The following PRMT7 variants were observed in gnomAD, a reference collection of about 807,000 sequenced individuals.
PRMT7 encodes protein arginine methyltransferase 7.
PRMT7 carries 75 observed loss-of-function variants against 85.4 expected under a neutral mutation model. The observed-to-expected ratio is 0.88, with a 90% CI of 0.73 to 1.06. The LOEUF is 1.06. PRMT7 is among the 50% of genes least tolerant of loss of function. PRMT7 has a pLI of 0.00. For synonymous variants in PRMT7, 397 were observed against 359.5 expected, an observed-to-expected ratio of 1.10 and a Z score of -1.18; for missense variants, 868 against 915.2, an observed-to-expected ratio of 0.95 and a Z score of 0.67.
intron 14 of PRMT7, among the ~76,000 whole-genome samples, chr16:68,349,095 CTG>C (rs2086871810): frequency 1.3e-5 from 2 of 152,188 alleles, no homozygotes; most frequent in Admixed American, 1.3e-4. Context: ...CTTCCGGGCC[CTG>C]AAACTGCTTC....
intron 10 of PRMT7, 61 bp from the exon 11 acceptor site, chr16:68,346,084 C>A: frequency 6.2e-7 from 1 of 1,602,462 alleles, no homozygotes; most frequent in Non-Finnish European, 8.5e-7. Context: ...CAGATTCATG[C>A]CCTCTGGAGA....
At chr16:68,345,912 A>G in intron 10 of PRMT7, 110 bp downstream of exon 10, 2 of 1,488,514 alleles carry the variant, frequency 1.3e-6, no homozygotes, top group Non-Finnish European at 1.8e-6. Flanking sequence ...TCTGGACAGA[A>G]TAACATAAGA....
intron 5 of PRMT7, among the ~76,000 whole-genome samples, chr16:68,326,189 T>C (rs540789039): frequency 9.2e-5 from 14 of 152,260 alleles, no homozygotes; most frequent in African/African-American, 3.4e-4. Flanking sequence ...GCAGGGAGCA[T>C]GTATATAAAT....
At chr16:68,331,691 C>G (rs2151607239) in intron 6 of PRMT7, among the ~76,000 whole-genome samples, 1 of 152,068 alleles carries the variant, frequency 6.6e-6, no homozygotes, top group South Asian at 2.1e-4. Flanking sequence ...TTAGGCTGGT[C>G]TCAAACTCCT....
chr16:68,356,778 T>C lies in PRMT7; in HGVS notation c.1889T>C (p.Leu630Pro). 6.2e-7 allele frequency: 1 copy of C among 1,609,864 alleles called. No individual in the cohort carries two copies. The highest frequency in any genetic ancestry group is 8.5e-7 in the Non-Finnish European group (1 of 1,179,402). Reference sequence around the variant, plus strand: ...GAGTGCACGCTCAGCACTGGCCTCCTGGAGCCTGCAGACCCCGAGGTAGTG... The same window carrying C: ...GAGTGCACGCTCAGCACTGGCCTCCCGGAGCCTGCAGACCCCGAGGTAGTG... ...TPECTLSTGL[L>P]EPADPEGGCC... The change falls in exon 18 of 19, where the codon CTG becomes CCG. Residue 630 changes from leucine (L) to proline (P), a missense_variant. Transcript: ENST00000441236.
At chr16:68,342,727 G>A (rs1051867490) in intron 9 of PRMT7, among the ~76,000 whole-genome samples, 1 of 152,190 alleles carries the variant, frequency 6.6e-6, no homozygotes, top group Non-Finnish European at 1.5e-5. Flanking sequence ...AAGTATGTGA[G>A]CTTCCTAGTC....
At chr16:68,337,999 A>C (rs1469373052) in intron 7 of PRMT7, among the ~76,000 whole-genome samples, 1 of 152,092 alleles carries the variant, frequency 6.6e-6, no homozygotes, top group East Asian at 1.9e-4. Flanking sequence ...AGATGGGCTT[A>C]GCAACTGAGG....
intron 15 of PRMT7, among the ~76,000 whole-genome samples, chr16:68,352,963 G>T (rs1567741028): frequency 6.6e-6 from 1 of 152,130 alleles, no homozygotes; most frequent in East Asian, 1.9e-4. Flanking sequence ...TGAAAGTCTG[G>T]GCATTTCTCC....
intron 13 of PRMT7, 85 bp downstream of exon 13, chr16:68,347,763 G>A (rs2086633878): frequency 2.3e-6 from 3 of 1,290,694 alleles, no homozygotes; most frequent in African/African-American, 2.9e-5. Flanking sequence ...GGCCCCAGGG[G>A]AACAAAGGAG....
At chr16:68,342,268 A>G (rs756844327) in intron 9 of PRMT7, among the ~76,000 whole-genome samples, 4 of 152,124 alleles carry the variant, frequency 2.6e-5, no homozygotes, top group Non-Finnish European at 5.9e-5. Context: ...GCAGAGCGAG[A>G]CTCTGTCTCA....
At chr16:68,348,274 GA>G in intron 13 of PRMT7, 67 bp from the exon 14 acceptor site, 2 of 1,289,956 alleles carry the variant, frequency 1.6e-6, no homozygotes, top group Non-Finnish European at 2.2e-6. Context: ...AACTTTGAGA[GA>G]TTTTTTTTTC....
chr16:68,314,540 A>G (rs972526065), intron 2 of PRMT7, among the ~76,000 whole-genome samples: 3 of 152,138 alleles, frequency 2.0e-5, no homozygotes, highest in African/African-American at 7.2e-5. Context: ...CCTGTTTCTC[A>G]TCTATTTGTG....
In PRMT7 at chr16:68,329,109, A is replaced by G; in HGVS notation, c.326A>G (p.Lys109Arg). Residue 109 changes from lysine to arginine, a missense_variant, in exon 6 of 19, where the codon AAA (lysine) becomes AGA (arginine). Transcript: ENST00000441236. ...GATGCTGCTGTGAAGATTGTGGAGA[A>G]AAATGGCTTTAGTGATAAGATTAAG... ...MADAAVKIVEKNGFSDKIKVI... is the reference protein window; with the variant it reads ...MADAAVKIVERNGFSDKIKVI... 1 of 1,613,096 alleles carries G rather than the reference A, an allele frequency of 6.2e-7. No individual in the cohort carries two copies. The highest frequency in any genetic ancestry group is 1.1e-5 in the South Asian group (1 of 91,048).
intron 6 of PRMT7, among the ~76,000 whole-genome samples, chr16:68,333,802 T>A (rs1282334738): frequency 6.6e-6 from 1 of 151,970 alleles, no homozygotes; most frequent in Non-Finnish European, 1.5e-5. Flanking sequence ...TTAGATAGAG[T>A]GGCTCTGTCG....
intron 16 of PRMT7, among the ~76,000 whole-genome samples, chr16:68,353,787 G>A (rs1301607546): frequency 6.6e-6 from 1 of 152,192 alleles, no homozygotes; most frequent in Non-Finnish European, 1.5e-5. Context: ...TGCACGTCCT[G>A]TCATTGCAAC....
chr16:68,358,649 T>A (rs1453566303), downstream of PRMT7: 1 of 152,610 alleles, frequency 6.6e-6, no homozygotes, highest in Non-Finnish European at 1.5e-5. Flanking sequence ...TACTTAAAAC[T>A]TAAGGTGGTT....
rs773731513 is a variant in PRMT7, at chr16:68,316,068, T to C, written c.89T>C (p.Ile30Thr). 2.7e-5 allele frequency: 44 copies of C among 1,613,172 alleles called. No individual in the cohort carries two copies. The highest frequency in any genetic ancestry group is 1.9e-4 in the African/African-American group (14 of 74,888). The change falls in exon 3 of 19, where the codon ATT becomes ACT. Residue 30 changes from isoleucine (I) to threonine (T), a missense_variant. By Grantham distance (89) the Ile-to-Thr change is moderately conservative (BLOSUM62 -1). Coordinates refer to ENST00000441236, the MANE Select transcript of PRMT7 (RefSeq NM_019023.5). ...EDEHYDYHQE[I>T]ARSSYADMLH... ...GAACACTATGATTACCACCAGGAGA[T>C]TGCAAGGTACTGGGTTGGTTTACAG... is the stretch of plus-strand genomic sequence containing the variant.
intron 3 of PRMT7, among the ~76,000 whole-genome samples, chr16:68,319,963 A>C (rs117570797): frequency 1.3e-3 from 200 of 152,208 alleles, no homozygotes; most frequent in Non-Finnish European, 2.2e-3. Flanking sequence ...TCCTCCCTTT[A>C]CTACGGTATT....
rs569255059 is a variant in PRMT7 at position 68,342,170 on chromosome 16, C to T, written c.927+2202C>T. Reference sequence around the variant, plus strand: ...GTGCGTGCCTGTAATTCCAGCTACTCGGGAGGCTGAGGCAGGAGAATTGCT... The same window carrying T: ...GTGCGTGCCTGTAATTCCAGCTACTTGGGAGGCTGAGGCAGGAGAATTGCT... On this transcript the variant is annotated intron_variant, in intron 9 of 18. Coordinates refer to ENST00000441236, the MANE Select transcript of PRMT7 (RefSeq NM_019023.5). Among the ~76,000 whole-genome samples the T allele has an allele frequency of 2.0e-4, 30 of 152,112 alleles. 1 individual carries two copies. In the East Asian group the frequency reaches 3.9e-3, roughly 20 times the overall value.
Sources: gnomAD v4.1 joint callset for allele counts (sites outside exome capture counted in the v4.1 genomes callset) on GRCh38, gnomAD v4.1.1 for gene constraint, MANE v1.5 for transcripts, NCBI Gene and HGNC (gene_info 2026-07-23, HGNC 2026-07-21) for gene names.